MRPL48: variants seen among roughly 807,000 people sequenced by gnomAD.
The protein encoded by MRPL48 is large ribosomal subunit protein mL48.
MRPL48 carries 16 observed loss-of-function variants against 32.9 expected under a neutral mutation model. That is an observed-to-expected ratio of 0.49 (90% CI 0.33 to 0.74). The LOEUF is 0.74. MRPL48 is among the 30% of genes least tolerant of loss of function. The probability of loss-of-function intolerance (pLI) is 0.02; values close to 1 mark genes in which losing one functional copy is unlikely to be tolerated. For synonymous variants in MRPL48, 94 were observed against 89.2 expected, an observed-to-expected ratio of 1.05 and a Z score of -0.31; for missense variants, 206 against 245.3, an observed-to-expected ratio of 0.84 and a Z score of 1.07.
chr11:73,797,198 G>A lies in MRPL48; in HGVS notation c.22-7829G>A, dbSNP rs981853538. On this transcript the variant is annotated intron_variant, in intron 1 of 7. Coordinates refer to ENST00000310614, the MANE Select transcript of MRPL48 (RefSeq NM_016055.6). Reference sequence around the variant, plus strand: ...AAGACATTCAGACGACCTGCCTGCAGAGAGGAGCTGCCCACTCCAAGGTCC... The same window carrying A: ...AAGACATTCAGACGACCTGCCTGCAAAGAGGAGCTGCCCACTCCAAGGTCC... Among the ~76,000 whole-genome samples, 22 of 152,322 alleles carry A rather than the reference G, an allele frequency of 1.4e-4. 1 individual carries two copies. The highest frequency in any genetic ancestry group is 5.1e-4 in the African/African-American group (21 of 41,574).
intron 5 of MRPL48, among the ~76,000 whole-genome samples, chr11:73,857,940 A>G (rs1463079735): frequency 6.6e-6 from 1 of 152,170 alleles, no homozygotes; most frequent in African/African-American, 2.4e-5. Context: ...CTGTTAGTAA[A>G]TATTTGTTGA....
intron 1 of MRPL48, 71 bp from the exon 2 acceptor site, chr11:73,804,956 C>T (rs1195759246): frequency 2.8e-5 from 40 of 1,439,592 alleles, no homozygotes; most frequent in Middle Eastern, 1.7e-4. Context: ...GGGTTTCTTG[C>T]CTCTCTGAGA....
chr11:73,811,580 T>C (rs1050456308), intron 3 of MRPL48, among the ~76,000 whole-genome samples: 12 of 152,230 alleles, frequency 7.9e-5, no homozygotes, highest in Non-Finnish European at 1.6e-4. Flanking sequence ...ACTTTCATTG[T>C]CTTTTTTGTA....
intron 5 of MRPL48, chr11:73,850,523 T>G: frequency 2.6e-6 from 1 of 384,068 alleles, no homozygotes; most frequent in African/African-American, 2.2e-5. Context: ...CTTCCAGCCT[T>G]TGTCTTTTAC....
intron 1 of MRPL48, chr11:73,789,429 A>T (rs2134916196): frequency 6.6e-6 from 1 of 152,354 alleles, no homozygotes; most frequent in African/African-American, 2.4e-5. Context: ...GTCTGATGCC[A>T]CTGTTCTCTT....
chr11:73,796,122 C>G (rs959161312), intron 1 of MRPL48, among the ~76,000 whole-genome samples: 1 of 152,246 alleles, frequency 6.6e-6, no homozygotes, highest in Admixed American at 6.5e-5. Flanking sequence ...GGAGCCCTGC[C>G]CCTTCCGAGT....
At chr11:73,812,738 A>ATATATATATTTATT (rs112576224) in intron 3 of MRPL48, among the ~76,000 whole-genome samples, 8 of 142,064 alleles carry the variant, frequency 5.6e-5, no homozygotes, top group South Asian at 4.6e-4. Flanking sequence ...ATATATATAT[A>ATATATATATTTATT]TATTTATTTA....
chr11:73,796,148 G>A (rs773493126), intron 1 of MRPL48, among the ~76,000 whole-genome samples: 31 of 152,216 alleles, frequency 2.0e-4, no homozygotes, highest in Non-Finnish European at 3.4e-4. Context: ...CGGTGCCCAA[G>A]TCATGGCTGT....
chr11:73,818,332 T>C (rs962324481), intron 3 of MRPL48, among the ~76,000 whole-genome samples: 1 of 152,084 alleles, frequency 6.6e-6, no homozygotes, highest in Non-Finnish European at 1.5e-5. Flanking sequence ...TATATAAAAC[T>C]AGATCTAAAG....
intron 7 of MRPL48, among the ~76,000 whole-genome samples, chr11:73,863,548 G>A (rs1285879504): frequency 1.3e-5 from 2 of 152,200 alleles, no homozygotes; most frequent in African/African-American, 4.8e-5. Context: ...AGGCAGTTGC[G>A]TGGAAGAAAG....
intron 4 of MRPL48, chr11:73,832,811 C>T (rs1948019993): frequency 6.6e-6 from 1 of 152,176 alleles, no homozygotes; most frequent in African/African-American, 2.4e-5. Context: ...TGTTTTCACT[C>T]ATTTATTTCT....
rs570259935 is a variant in MRPL48 at position 73,798,453 on chromosome 11, A to G, written c.22-6574A>G. ...CTGGAGGCAATGATTATTGCCTTCA[A>G]ATACATGAAGGGTTTGACTTCTTGT... On this transcript the variant is annotated intron_variant, in intron 1 of 7. Transcript: ENST00000310614. Among the ~76,000 whole-genome samples, 54 of 152,262 alleles carry G rather than the reference A, an allele frequency of 3.5e-4. No individual in the cohort carries two copies. The South Asian group carries it at 0.01, about 29-fold the overall frequency.
intron 3 of MRPL48, chr11:73,817,769 T>G (rs1947702589): frequency 2.8e-6 from 1 of 353,516 alleles, no homozygotes; most frequent in Non-Finnish European, 5.5e-6. Context: ...TGGTATTTTT[T>G]ATAGGTTCTT....
intron 5 of MRPL48, among the ~76,000 whole-genome samples, chr11:73,857,443 TC>T (rs1948502942): frequency 6.7e-6 from 1 of 150,216 alleles, no homozygotes; most frequent in Admixed American, 6.7e-5. Context: ...ACTTTTTTCT[TC>T]CTTTTTTTTT....
chr11:73,812,899 G>A (rs1313830592), intron 3 of MRPL48, among the ~76,000 whole-genome samples: 1 of 150,930 alleles, frequency 6.6e-6, no homozygotes, highest in Non-Finnish European at 1.5e-5. Context: ...ACAGGCATGC[G>A]CCACCATGCC....
chr11:73,811,855 T>C (rs1947572906), intron 3 of MRPL48, among the ~76,000 whole-genome samples: 1 of 151,996 alleles, frequency 6.6e-6, no homozygotes, highest in Admixed American at 6.6e-5. Flanking sequence ...TGTACAAAAG[T>C]GTATATGATG....
chr11:73,796,882 T>C (rs1947263572), intron 1 of MRPL48, among the ~76,000 whole-genome samples: 1 of 152,016 alleles, frequency 6.6e-6, no homozygotes, highest in Non-Finnish European at 1.5e-5. Flanking sequence ...CTGGCCAACA[T>C]GGTGAGACCC....
At chr11:73,834,321 A>G (rs1049251305) in intron 4 of MRPL48, among the ~76,000 whole-genome samples, 19 of 152,246 alleles carry the variant, frequency 1.2e-4, no homozygotes, top group African/African-American at 4.3e-4. Context: ...TCTTTCTGAC[A>G]TAAAAGTATA....
At chr11:73,820,051 A>G (rs937195871) in intron 3 of MRPL48, among the ~76,000 whole-genome samples, 3 of 152,204 alleles carry the variant, frequency 2.0e-5, no homozygotes, top group Admixed American at 2.0e-4. Flanking sequence ...GTAGGTGCAG[A>G]TCAACAACTT....
Sources: gnomAD v4.1 joint callset for allele counts (sites outside exome capture counted in the v4.1 genomes callset) on GRCh38, gnomAD v4.1.1 for gene constraint, MANE v1.5 for transcripts, NCBI Gene and HGNC (gene_info 2026-07-23, HGNC 2026-07-21) for gene names.